Variants in AK8 observed in about 807,000 individuals in gnomAD.
The protein encoded by AK8 is adenylate kinase 8.
A neutral mutation model predicts 54.6 loss-of-function variants in AK8; 44 were observed. That is an observed-to-expected ratio of 0.81 (90% CI 0.63 to 1.04). The LOEUF (loss-of-function observed/expected upper bound fraction) is 1.04, where lower values mean the gene tolerates loss of function less well. Ranked by LOEUF, AK8 falls within the 50% of genes least tolerant of loss-of-function variation. The pLI is 0.00. For synonymous variants in AK8, 239 were observed against 245.6 expected (o/e 0.97, Z 0.25); for missense variants, 555 against 613.6 (o/e 0.90, Z 1.01).
chr9:132,842,951 C>T (rs1842602381), intron 5 of AK8, among the ~76,000 whole-genome samples: 1 of 152,234 alleles, frequency 6.6e-6, no homozygotes, highest in Non-Finnish European at 1.5e-5. Flanking sequence ...GAGGATCTCT[C>T]TCTGGTCTGC....
Position 132,828,058 on chromosome 9 carries a change from G to T in AK8, c.511C>A (p.Leu171Met). 6.4e-7 allele frequency: 1 copy of T among 1,574,198 alleles called. No individual in the cohort carries two copies. ...CTCTTCCCCAAGTTTCTCTCGATCA[G>T]GACCGTGTCTGGAGCACTCAGCACA... ...VIVLSAPDTV[L>M]IERNLGKRID... The change falls in exon 7 of 13, where the codon CTG becomes ATG. Residue 171 changes from leucine to methionine, a missense_variant. By Grantham distance (15) the Leu-to-Met change is conservative (BLOSUM62 2). Transcript: ENST00000298545.
At chr9:132,811,116 C>A (rs1840984937) in intron 10 of AK8, among the ~76,000 whole-genome samples, 1 of 152,202 alleles carries the variant, frequency 6.6e-6, no homozygotes, top group African/African-American at 2.4e-5. Flanking sequence ...AAAATAAATA[C>A]ATCTTTTGTC....
intron 11 of AK8, among the ~76,000 whole-genome samples, chr9:132,730,330 A>G (rs912147596): frequency 6.6e-6 from 1 of 152,066 alleles, no homozygotes; most frequent in Non-Finnish European, 1.5e-5. Context: ...CTCTGTCCAG[A>G]GCAATAACAG....
At chr9:132,833,541 G>A (rs77919562) in intron 5 of AK8, among the ~76,000 whole-genome samples, 7,389 of 152,200 alleles carry the variant, frequency 0.049, 240 homozygotes, top group Non-Finnish European at 0.072. Context: ...TTCAGAGCAG[G>A]TTAATTGATA....
intron 12 of AK8, among the ~76,000 whole-genome samples, chr9:132,726,579 T>C (rs1836585722): frequency 6.6e-6 from 1 of 152,178 alleles, no homozygotes; most frequent in South Asian, 2.1e-4. Context: ...CTTGTTCCTT[T>C]TTCCTCCCTT....
intron 10 of AK8, among the ~76,000 whole-genome samples, chr9:132,804,340 G>A (rs959487995): frequency 7.9e-5 from 12 of 152,130 alleles, no homozygotes; most frequent in African/African-American, 1.2e-4. Context: ...GCAGCCGGCC[G>A]AGCAGACAGC....
At chr9:132,808,494 A>G (rs1230647091) in intron 10 of AK8, among the ~76,000 whole-genome samples, 1 of 152,198 alleles carries the variant, frequency 6.6e-6, no homozygotes, top group East Asian at 1.9e-4. Context: ...ATGGGAAAAC[A>G]GTACAGTTAT....
chr9:132,796,253 A>T (rs1840168864), intron 10 of AK8, among the ~76,000 whole-genome samples: 1 of 152,238 alleles, frequency 6.6e-6, no homozygotes, highest in Admixed American at 6.5e-5. Context: ...TTGGCCACTT[A>T]CGAACCAATA....
rs1243118079 is a variant in AK8, at chr9:132,826,605, G to A, written c.757+249C>T. On this transcript the variant is annotated intron_variant, in intron 8 of 12. Coordinates refer to ENST00000298545, the MANE Select transcript of AK8 (RefSeq NM_152572.3). The surrounding 1 kb of genome is among the most constrained non-coding windows in gnomAD (Gnocchi z 4.5). ...CGACCCCACGACCACCAAATCTGCT[G>A]TGGGCCAGAGATGTGACCACATCTG... Among the ~76,000 whole-genome samples the A allele has an allele frequency of 6.6e-6, 1 of 151,764 alleles. No homozygotes were observed. The highest frequency in any genetic ancestry group is 2.4e-5 in the African/African-American group (1 of 41,274).
intron 5 of AK8, among the ~76,000 whole-genome samples, chr9:132,839,657 G>T (rs1842455968): frequency 6.6e-6 from 1 of 152,144 alleles, no homozygotes; most frequent in Admixed American, 6.5e-5. Context: ...TCCGGCAGGG[G>T]CTCTGAGCCT....
intron 6 of AK8, among the ~76,000 whole-genome samples, chr9:132,828,395 A>C (rs918047310): frequency 1.3e-5 from 2 of 152,248 alleles, no homozygotes; most frequent in African/African-American, 4.8e-5. Context: ...ATTCTATGCT[A>C]TGCATAGAAT....
intron 11 of AK8, among the ~76,000 whole-genome samples, chr9:132,783,843 A>G (rs1385640651): frequency 2.0e-5 from 3 of 152,206 alleles, no homozygotes; most frequent in Non-Finnish European, 4.4e-5. Context: ...ACAGCAAGAA[A>G]TAAACACAGC....
chr9:132,835,878 C>T (rs1318828297), intron 5 of AK8, among the ~76,000 whole-genome samples: 2 of 152,150 alleles, frequency 1.3e-5, no homozygotes, highest in Admixed American at 1.3e-4. Flanking sequence ...AATCCCAGCA[C>T]TTTGGGAGGC....
rs139511569 is a variant in AK8, at chr9:132,828,698, G to A, written c.431C>T (p.Thr144Met). 377 of 1,612,218 alleles carry A rather than the reference G, an allele frequency of 2.3e-4. 5 individuals carry two copies. In the South Asian group the frequency reaches 2.6e-3, roughly 11 times the overall value. ...CTGGATCCTCAGAGCCTGCTCACGC[G>A]TCTCAGGGATGCCATCCAGAATCCA... Reference protein sequence around the residue: ...QGWILDGIPETREQALRIQTL... With the variant: ...QGWILDGIPEMREQALRIQTL... The change falls in exon 6 of 13, where the codon ACG becomes ATG. Residue 144 changes from threonine to methionine, a missense_variant. By Grantham distance (81) the Thr-to-Met change is moderately conservative (BLOSUM62 -1). Coordinates refer to ENST00000298545, the MANE Select transcript of AK8 (RefSeq NM_152572.3).
intron 10 of AK8, among the ~76,000 whole-genome samples, chr9:132,795,918 G>A (rs1346155513): frequency 2.0e-5 from 3 of 152,222 alleles, no homozygotes; most frequent in Admixed American, 2.0e-4. Flanking sequence ...GGCCTCCATT[G>A]TTTAGCGGTG....
intron 11 of AK8, among the ~76,000 whole-genome samples, chr9:132,735,377 G>A (rs547037627): frequency 1.2e-4 from 18 of 152,304 alleles, no homozygotes; most frequent in African/African-American, 3.6e-4. Context: ...GAGATACGAT[G>A]TACAATAACT....
intron 9 of AK8, among the ~76,000 whole-genome samples, chr9:132,821,200 A>G (rs1841584703): frequency 1.3e-5 from 2 of 151,370 alleles, no homozygotes; most frequent in Non-Finnish European, 2.9e-5. Flanking sequence ...TTATTTCCAT[A>G]AAGCCCTGCA....
intron 4 of AK8, among the ~76,000 whole-genome samples, chr9:132,855,586 C>G (rs1843144702): frequency 2.0e-5 from 3 of 152,200 alleles, no homozygotes; most frequent in Admixed American, 6.5e-5. Flanking sequence ...CCCACCCTGC[C>G]CCCAGTGCTG....
intron 10 of AK8, among the ~76,000 whole-genome samples, chr9:132,811,465 G>A (rs1043213084): frequency 2.0e-5 from 3 of 152,256 alleles, no homozygotes; most frequent in Non-Finnish European, 2.9e-5. Flanking sequence ...AAAGCATGGG[G>A]ATGGCCCCCA....
Sources: gnomAD v4.1 joint callset for allele counts (sites outside exome capture counted in the v4.1 genomes callset) on GRCh38, gnomAD v4.1.1 for gene constraint, Gnocchi (gnomAD v3.1) non-coding constraint, MANE v1.5 for transcripts, NCBI Gene and HGNC (gene_info 2026-07-23, HGNC 2026-07-21) for gene names.